TSPAN4: variants seen among roughly 807,000 people sequenced by gnomAD.
The protein encoded by TSPAN4 is tetraspanin-4.
TSPAN4 carries 38 observed loss-of-function variants against 31.5 expected under a neutral mutation model. The ratio of observed to expected loss-of-function variants is 1.21; its 90% CI spans 0.93 to 1.58. The LOEUF (loss-of-function observed/expected upper bound fraction) is 1.58. Among genes scored for constraint, TSPAN4 ranks in the 40% most tolerant of loss-of-function variants. The pLI, the probability that TSPAN4 is intolerant of heterozygous loss-of-function variation, is 0.00. For synonymous variants in TSPAN4, 186 were observed against 144.6 expected (o/e 1.29, Z -2.06); for missense variants, 330 against 317.3 (o/e 1.04, Z -0.30).
At chr11:845,861 A>G (rs927241949) in intron 1 of TSPAN4, among the ~76,000 whole-genome samples, 2 of 152,040 alleles carry the variant, frequency 1.3e-5, no homozygotes, top group Non-Finnish European at 2.9e-5. Flanking sequence ...TCCAGCCTCC[A>G]GGGCTCAGGT....
intron 3 of TSPAN4, among the ~76,000 whole-genome samples, chr11:860,193 C>T (rs1406563105): frequency 6.6e-6 from 1 of 152,232 alleles, no homozygotes; most frequent in East Asian, 1.9e-4. Flanking sequence ...CCCAGGATGG[C>T]CTGAGCGTGT....
chr11:866,645 G>A lies in TSPAN4; in HGVS notation c.*15G>A, dbSNP rs781088316. On this transcript the variant is annotated 3_prime_UTR_variant, in exon 9 of 9. Coordinates refer to ENST00000397397, the MANE Select transcript of TSPAN4 (RefSeq NM_003271.5). Reference sequence around the variant, plus strand: ...ACTGCGCGTAGGCCGCCCACCGCCCGCTTCTCTGCCAAAAGGACGCCCACG... The same window carrying A: ...ACTGCGCGTAGGCCGCCCACCGCCCACTTCTCTGCCAAAAGGACGCCCACG... The A allele has an allele frequency of 1.3e-5, 21 of 1,608,024 alleles. No homozygotes were observed. The highest frequency in any genetic ancestry group is 3.3e-5 in the South Asian group (3 of 90,592).
At chr11:854,045 C>T (rs1360496055) in intron 3 of TSPAN4, among the ~76,000 whole-genome samples, 1 of 152,228 alleles carries the variant, frequency 6.6e-6, no homozygotes, top group Non-Finnish European at 1.5e-5. Context: ...AGCTCAGCTG[C>T]TGCCAGCGAC....
chr11:856,037 C>A (rs1276445281), intron 3 of TSPAN4, among the ~76,000 whole-genome samples: 3 of 152,234 alleles, frequency 2.0e-5, no homozygotes, highest in African/African-American at 7.2e-5. Flanking sequence ...CTGCCCAAGG[C>A]CTACAGGAGG....
chr11:862,821 G>A (rs936930766), intron 4 of TSPAN4, 80 bp downstream of exon 4: 24 of 1,408,006 alleles, frequency 1.7e-5, no homozygotes, highest in South Asian at 2.9e-5. Context: ...CTTGGCTGCC[G>A]CAGTGACCCC....
chr11:856,812 C>G (rs1169299940), intron 3 of TSPAN4: 1 of 152,286 alleles, frequency 6.6e-6, no homozygotes, highest in African/African-American at 2.4e-5. Context: ...GGCCCATTTT[C>G]TCTTGCGCTT....
chr11:849,109 G>A (rs1344371065), intron 2 of TSPAN4, among the ~76,000 whole-genome samples: 2 of 152,160 alleles, frequency 1.3e-5, no homozygotes, highest in Admixed American at 6.5e-5. Context: ...CCTTGAAGCC[G>A]GCCCCGCTCC....
chr11:865,534 G>C lies in TSPAN4; in HGVS notation c.352G>C (p.Asp118His), dbSNP rs756412677. Residue 118 changes from aspartate (D) to histidine (H), a missense_variant, in exon 6 of 9, where the codon GAC becomes CAC. Transcript: ENST00000397397. Reference sequence around the variant, plus strand: ...CCAGATTGACAGGTATGCCCAGCAAGACCTGAAGAAAGGCTTGCACCTGTA... The same window carrying C: ...CCAGATTGACAGGTATGCCCAGCAACACCTGAAGAAAGGCTTGCACCTGTA... ...TDKIDRYAQQ[D>H]LKKGLHLYGT... The C allele has an allele frequency of 2.5e-6, 4 of 1,611,776 alleles. No homozygotes were observed. The highest frequency in any genetic ancestry group is 3.4e-6 in the Non-Finnish European group (4 of 1,179,822).
intron 3 of TSPAN4, among the ~76,000 whole-genome samples, chr11:851,969 T>G (rs1210141332): frequency 1.0e-5 from 1 of 96,698 alleles, no homozygotes; most frequent in African/African-American, 3.2e-5. Flanking sequence ...CCCGCCCTCA[T>G]GGAGGACCCC....
At position 848,775 on chromosome 11, in the gene TSPAN4, A is replaced by C. The variant is rs1847459386; in HGVS notation, c.-18+1475A>C. On this transcript the variant is annotated intron_variant, in intron 2 of 8. Transcript: ENST00000397397. The surrounding 1 kb of genome is among the most constrained non-coding windows in gnomAD (Gnocchi z 5.7). ...CGTGCTGATATCTTCCCAACACCGCAGGGCCCTTGTGCCCTGTGGTGGGGC... is the reference window on the plus strand; with the variant it reads ...CGTGCTGATATCTTCCCAACACCGCCGGGCCCTTGTGCCCTGTGGTGGGGC... The C allele has an allele frequency of 7.3e-6, 4 of 548,680 alleles. No homozygotes were observed. The highest frequency in any genetic ancestry group is 1.3e-5 in the Non-Finnish European group (4 of 303,168). The allele number at this position is 548,680 out of a possible 1,614,324, so 34.0% of individuals were successfully genotyped here.
chr11:864,735 C>T, intron 5 of TSPAN4: 1 of 607,968 alleles, frequency 1.6e-6, no homozygotes, highest in Non-Finnish European at 2.9e-6. Flanking sequence ...ACTGCTACCC[C>T]ACCCGGAGGG....
At chr11:855,386 C>A (rs1394793265) in intron 3 of TSPAN4, among the ~76,000 whole-genome samples, 1 of 152,234 alleles carries the variant, frequency 6.6e-6, no homozygotes, top group Non-Finnish European at 1.5e-5. Flanking sequence ...CCTTGCTGTT[C>A]CCACGCAGCC....
At chr11:853,224 C>T (rs986393287) in intron 3 of TSPAN4, among the ~76,000 whole-genome samples, 2 of 152,164 alleles carry the variant, frequency 1.3e-5, no homozygotes, top group East Asian at 1.9e-4. Flanking sequence ...GCTTTGCTCT[C>T]CTGTGCCCTT....
At chr11:856,971 A>T (rs28465449) in intron 3 of TSPAN4, 2 of 152,272 alleles carry the variant, frequency 1.3e-5, no homozygotes, top group East Asian at 1.9e-4. Context: ...GGGGGACGCC[A>T]GGTTGCAGGG....
chr11:867,039 G>C lies in TSPAN4; in HGVS notation c.*409G>C, dbSNP rs886668410. 1.1e-5 allele frequency: 2 copies of C among 175,890 alleles called. No individual in the cohort carries two copies. The highest frequency in any genetic ancestry group is 3.2e-4 in the East Asian group (2 of 6,318). 10.9% of individuals were successfully genotyped at this position (175,890 alleles called of 1,614,324 possible). On this transcript the variant is annotated 3_prime_UTR_variant, in exon 9 of 9. Transcript: ENST00000397397. The stretch of plus-strand genomic sequence containing the variant: ...TGGTCCTGGTGCTCCAGGCGGGGCC[G>C]TGGACCCCTCACCTACATTCCATAG...
At chr11:843,461 T>C (rs11246328) in intron 1 of TSPAN4, 78,313 of 151,884 alleles carry the variant, frequency 0.52, 20,556 homozygotes, top group Non-Finnish European at 0.56. Context: ...AAGAGGTGCT[T>C]TTTGAGCTGA....
intron 3 of TSPAN4, chr11:856,818 C>G (rs1421216563): frequency 6.6e-6 from 1 of 152,284 alleles, no homozygotes. Context: ...TTTTCTCTTG[C>G]GCTTTGAGGC....
At chr11:843,526 G>A (rs543438021) in intron 1 of TSPAN4, 1 of 152,340 alleles carries the variant, frequency 6.6e-6, no homozygotes, top group South Asian at 2.1e-4. Context: ...AGGCTGCACT[G>A]GCAGGACCCC....
chr11:852,154 G>A (rs139394901), intron 3 of TSPAN4, among the ~76,000 whole-genome samples: 1 of 152,284 alleles, frequency 6.6e-6, no homozygotes, highest in East Asian at 1.9e-4. Context: ...TTGAGATAGA[G>A]TCTTGCTCTG....
Sources: allele counts gnomAD v4.1 joint callset (sites outside exome capture counted in the v4.1 genomes callset), GRCh38; gene constraint gnomAD v4.1.1; non-coding constraint Gnocchi (gnomAD v3.1); transcripts MANE v1.5; gene names NCBI Gene and HGNC (gene_info 2026-07-23, HGNC 2026-07-21).